SHANK2: variants seen among roughly 807,000 people sequenced by gnomAD.
SHANK2 encodes the protein SH3 and multiple ankyrin repeat domains protein 2.
Under a neutral mutation model 133.7 loss-of-function variants are expected in SHANK2, and 43 were observed. That is an observed-to-expected ratio of 0.32 (90% CI 0.25 to 0.41). The LOEUF is 0.41. SHANK2 is among the 10% of genes least tolerant of loss of function. The probability of loss-of-function intolerance (pLI) is 1.00; values close to 1 mark genes in which losing one functional copy is unlikely to be tolerated. For synonymous variants in SHANK2, 1,017 were observed against 952.8 expected, an observed-to-expected ratio of 1.07 and a Z score of -1.24; for missense variants, 1,994 against 2,235.8, an observed-to-expected ratio of 0.89 and a Z score of 2.18.
In SHANK2 at chr11:71,092,491, G is replaced by T. The variant is rs781945582; in HGVS notation, c.843C>A (p.Cys281Ter). ...TGGCGTGTTCGTGCAGGAGAAGCTC[G>T]CAGCAGTAGGGATCACCTCCGACGA... ...TAIVGGDPYC[C>*]ELLLHEHATV... The change falls in exon 8 of 26, where the codon TGC becomes TGA. Residue 281 changes from cysteine (C) to a stop codon, truncating the protein, a stop_gained. Transcript: ENST00000601538. LOFTEE classifies it high-confidence loss of function. 1.3e-6 allele frequency: 2 copies of T among 1,551,592 alleles called. No individual in the cohort carries two copies. Among genetic ancestry groups the T allele is most frequent in the Admixed American group, 3.9e-5 (2 of 50,972 alleles).
intron 14 of SHANK2, among the ~76,000 whole-genome samples, chr11:70,780,617 A>C (rs575843895): frequency 1.8e-4 from 26 of 141,854 alleles, no homozygotes; most frequent in African/African-American, 6.6e-4. Flanking sequence ...TCTGTCACCC[A>C]GGCTGGAGTG....
chr11:70,683,940 C>G (rs991237033), intron 15 of SHANK2, among the ~76,000 whole-genome samples: 1 of 152,090 alleles, frequency 6.6e-6, no homozygotes, highest in Non-Finnish European at 1.5e-5. Flanking sequence ...TACACCACCA[C>G]GCCCAGCTAA....
At chr11:71,240,416 G>A (rs1954873953) in intron 1 of SHANK2, among the ~76,000 whole-genome samples, 1 of 152,160 alleles carries the variant, frequency 6.6e-6, no homozygotes, top group South Asian at 2.1e-4. Context: ...TCCAAACAGA[G>A]TCTTTGCTGC....
intron 17 of SHANK2, among the ~76,000 whole-genome samples, chr11:70,587,389 C>A (rs887947876): frequency 2.0e-5 from 3 of 152,100 alleles, no homozygotes; most frequent in Non-Finnish European, 4.4e-5. Context: ...AGGAGCCTGT[C>A]GCGGCACCAC....
chr11:71,137,037 AT>A (rs1326646732), intron 3 of SHANK2, among the ~76,000 whole-genome samples: 6 of 151,924 alleles, frequency 3.9e-5, no homozygotes, highest in Non-Finnish European at 7.4e-5. Context: ...TAATTTTTGT[AT>A]TTTTAGTAGA....
At chr11:71,094,176 C>T (rs1361881164) in intron 7 of SHANK2, among the ~76,000 whole-genome samples, 2 of 152,248 alleles carry the variant, frequency 1.3e-5, no homozygotes, top group East Asian at 3.9e-4. Context: ...TCAGGAATGG[C>T]TTAACACCAC....
chr11:71,231,802 T>C lies in SHANK2; in HGVS notation c.-112-7006A>G, dbSNP rs186120727. ...TACTTGGGAGGCTGAGATGGGAGGATGGCTTGAGCCGGGGAGACAGAGCTT... is the reference window on the plus strand; with the variant it reads ...TACTTGGGAGGCTGAGATGGGAGGACGGCTTGAGCCGGGGAGACAGAGCTT... On this transcript the variant is annotated intron_variant, in intron 1 of 25. Transcript: ENST00000601538. 3.2e-3 allele frequency among the ~76,000 whole-genome samples: 487 copies of C among 151,890 alleles called. 2 individuals are homozygous for C. The highest frequency in any genetic ancestry group is 2.7e-3 in the Non-Finnish European group (183 of 67,966).
rs566960130 is a variant in SHANK2, at chr11:70,672,525, G to A, written c.1854-10847C>T. 1.7e-4 allele frequency among the ~76,000 whole-genome samples: 26 copies of A among 152,272 alleles called. No individual in the cohort carries two copies. The South Asian group carries it at 5.0e-3, about 29-fold the overall frequency. ...ACTCATCTCCACACAGTGCCTTTGC[G>A]TTGCCTGTGCAATTCTCAGGACACT... is the stretch of plus-strand genomic sequence containing the variant. On this transcript the variant is annotated intron_variant, in intron 15 of 25. Coordinates refer to ENST00000601538, the MANE Select transcript of SHANK2 (RefSeq NM_012309.5).
rs1484645147 is a variant in SHANK2, at chr11:70,535,382, A to G, written c.2062-32451T>C. ...TACCATCATCCATCTGCCATCATCC[A>G]TCAGTCTAACCAGTCCATCCATTTA... is the stretch of plus-strand genomic sequence containing the variant. On this transcript the variant is annotated intron_variant, in intron 17 of 25. Coordinates refer to ENST00000601538, the MANE Select transcript of SHANK2 (RefSeq NM_012309.5). This position sits in a 1 kb window ranked among gnomAD's most constrained non-coding sequence, Gnocchi z 4.3. Among the ~76,000 whole-genome samples, 1 of 151,830 alleles carries G rather than the reference A, an allele frequency of 6.6e-6. No individual in the cohort carries two copies. The highest frequency in any genetic ancestry group is 6.6e-5 in the Admixed American group (1 of 15,250).
intron 19 of SHANK2, 30 bp from the exon 20 acceptor site, chr11:70,501,961 A>G (rs376346762): frequency 2.8e-5 from 43 of 1,554,190 alleles, no homozygotes; most frequent in Middle Eastern, 3.3e-4. Flanking sequence ...TTCAAAACAA[A>G]ACAATGTTAG....
intron 17 of SHANK2, among the ~76,000 whole-genome samples, chr11:70,599,719 G>A (rs375758741): frequency 4.7e-5 from 7 of 150,508 alleles, no homozygotes; most frequent in African/African-American, 1.7e-4. Flanking sequence ...TTGAACCTGG[G>A]AGGAAGAGGT....
chr11:70,743,469 G>T (rs1946576024), intron 14 of SHANK2, among the ~76,000 whole-genome samples: 1 of 152,218 alleles, frequency 6.6e-6, no homozygotes. Flanking sequence ...CCTCCAGAGG[G>T]CTGAGAAACA....
chr11:70,801,111 G>A (rs1474229627), intron 13 of SHANK2, among the ~76,000 whole-genome samples: 1 of 152,218 alleles, frequency 6.6e-6, no homozygotes, highest in African/African-American at 2.4e-5. Flanking sequence ...CGTGAGCCCA[G>A]TGTGGAATGA....
intron 2 of SHANK2, among the ~76,000 whole-genome samples, chr11:71,221,967 G>A (rs1236428541): frequency 6.6e-6 from 1 of 152,146 alleles, no homozygotes; most frequent in African/African-American, 2.4e-5. Flanking sequence ...TCCTGTTAGG[G>A]CGGAACTGGG....
At chr11:70,566,691 T>C (rs2059972564) in intron 17 of SHANK2, 1 of 152,212 alleles carries the variant, frequency 6.6e-6, no homozygotes, top group Non-Finnish European at 1.5e-5. Context: ...TCCCCTCCCG[T>C]GTTTGATGGT....
At chr11:70,496,814 T>TG (rs2058977795) in intron 21 of SHANK2, among the ~76,000 whole-genome samples, 1 of 148,946 alleles carries the variant, frequency 6.7e-6, no homozygotes, top group African/African-American at 2.5e-5. Context: ...TGGAAATGGT[T>TG]GGGGTCACCA....
intron 8 of SHANK2, among the ~76,000 whole-genome samples, chr11:71,086,765 C>A (rs1038479995): frequency 1.3e-5 from 2 of 152,074 alleles, no homozygotes; most frequent in East Asian, 1.9e-4. Context: ...GGGAGGCAGG[C>A]GGCACTGTCC....
intron 17 of SHANK2, chr11:70,634,345 A>G (rs1470340406): frequency 6.6e-6 from 1 of 152,176 alleles, no homozygotes; most frequent in African/African-American, 2.4e-5. Context: ...GATGGCAAGA[A>G]TTTCTTGGTA....
chr11:71,121,829 G>A (rs2135280545), intron 3 of SHANK2, among the ~76,000 whole-genome samples: 1 of 152,256 alleles, frequency 6.6e-6, no homozygotes, highest in East Asian at 1.9e-4. Flanking sequence ...TCAAAAAGTG[G>A]GCAAAGGATA....
Sources: allele counts gnomAD v4.1 joint callset (sites outside exome capture counted in the v4.1 genomes callset), GRCh38; gene constraint gnomAD v4.1.1; non-coding constraint Gnocchi (gnomAD v3.1); transcripts MANE v1.5; gene names NCBI Gene and HGNC (gene_info 2026-07-23, HGNC 2026-07-21).